Variants in ZMPSTE24 observed in about 807,000 individuals in gnomAD.
The protein encoded by ZMPSTE24 is zinc metallopeptidase STE24.
A neutral mutation model predicts 56.7 loss-of-function variants in ZMPSTE24; 48 were observed. The observed-to-expected ratio is 0.85, with a 90% CI of 0.67 to 1.08. ZMPSTE24 has a LOEUF of 1.08. Among genes scored for constraint, ZMPSTE24 ranks in the 50% least tolerant of loss-of-function variants. The pLI, the probability that ZMPSTE24 is intolerant of heterozygous loss-of-function variation, is 0.00. For synonymous variants in ZMPSTE24, 172 were observed against 195.2 expected, an observed-to-expected ratio of 0.88 and a Z score of 0.99; for missense variants, 503 against 548.7, an observed-to-expected ratio of 0.92 and a Z score of 0.83.
chr1:40,280,727 A>G (rs1454008547), intron 6 of ZMPSTE24, among the ~76,000 whole-genome samples: 1 of 152,226 alleles, frequency 6.6e-6, no homozygotes, highest in African/African-American at 2.4e-5. Flanking sequence ...CACCCAGTTG[A>G]ATTTGCTTTT....
chr1:40,266,394 T>G (rs1005529301), intron 2 of ZMPSTE24, among the ~76,000 whole-genome samples: 1 of 152,230 alleles, frequency 6.6e-6, no homozygotes, highest in Non-Finnish European at 1.5e-5. Flanking sequence ...GTATGTGTTT[T>G]GGGCGGTAGA....
At chr1:40,261,278 C>T (rs969974133) in intron 2 of ZMPSTE24, among the ~76,000 whole-genome samples, 1 of 152,030 alleles carries the variant, frequency 6.6e-6, no homozygotes, top group Non-Finnish European at 1.5e-5. Flanking sequence ...CCCTGCCTGA[C>T]GAATGTGGAT....
rs61779110 is a variant in ZMPSTE24, at chr1:40,289,662, T to G, written c.1060-1192T>G. 3.7e-3 allele frequency among the ~76,000 whole-genome samples: 557 copies of G among 152,318 alleles called. 12 individuals are homozygous for G. The highest frequency in any genetic ancestry group is 0.032 in the East Asian group (164 of 5,182). The stretch of plus-strand genomic sequence containing the variant: ...AATAAGGTACATGTGGCCTCCAAGA[T>G]CCTAATTTGCACAGAAAAAGAATGT... On this transcript the variant is annotated intron_variant, in intron 8 of 9. Transcript: ENST00000372759.
At chr1:40,264,422 G>A (rs993371062) in intron 2 of ZMPSTE24, among the ~76,000 whole-genome samples, 7 of 152,162 alleles carry the variant, frequency 4.6e-5, no homozygotes, top group Non-Finnish European at 8.8e-5. Flanking sequence ...GTGAGATAGC[G>A]TAAATGAAGC....
intron 4 of ZMPSTE24, 48 bp downstream of exon 4, chr1:40,268,583 G>C (rs369701282): frequency 2.1e-5 from 26 of 1,266,130 alleles, no homozygotes; most frequent in Admixed American, 3.5e-5. Flanking sequence ...AAAAACTTCT[G>C]TGCTTTTGTC....
chr1:40,276,477 A>G (rs1643672541), intron 6 of ZMPSTE24, among the ~76,000 whole-genome samples: 1 of 152,234 alleles, frequency 6.6e-6, no homozygotes. Context: ...TTAAGGAGAA[A>G]GTGGTCAACT....
intron 9 of ZMPSTE24, among the ~76,000 whole-genome samples, chr1:40,291,512 AG>A (rs1440742298): frequency 6.6e-6 from 1 of 152,228 alleles, no homozygotes; most frequent in Non-Finnish European, 1.5e-5. Flanking sequence ...TTAGCTCATT[AG>A]GGGTATTCCG....
rs1249117504 is a variant in ZMPSTE24, at chr1:40,280,543, GC to G, written c.770-796del. Among the ~76,000 whole-genome samples the G allele has an allele frequency of 2.0e-5, 3 of 151,966 alleles. No homozygotes were observed. The East Asian group carries it at 5.8e-4, about 29-fold the overall frequency. On this transcript the variant is annotated intron_variant, in intron 6 of 9. Transcript: ENST00000372759. The stretch of plus-strand genomic sequence containing the variant: ...GGGTTCAAGCAGTTCTCATGCCTCA[GC>G]CCCACGTGTAGCTGGGATGACAGGT...
rs970758234 is a variant in ZMPSTE24 at position 40,293,466 on chromosome 1, C to T, written c.*797C>T. The T allele has an allele frequency of 6.6e-6, 1 of 152,132 alleles. No homozygotes were observed. The highest frequency in any genetic ancestry group is 1.5e-5 in the Non-Finnish European group (1 of 68,034). The allele number at this position is 152,132 out of a possible 1,614,324, so 9.4% of individuals were successfully genotyped here. ...TCATGCAGTAAATAATACATCCTTTCACTCAGCAGAGATGGCCATATTAAA... is the reference window on the plus strand; with the variant it reads ...TCATGCAGTAAATAATACATCCTTTTACTCAGCAGAGATGGCCATATTAAA... On this transcript the variant is annotated 3_prime_UTR_variant, in exon 10 of 10. Coordinates refer to ENST00000372759, the MANE Select transcript of ZMPSTE24 (RefSeq NM_005857.5).
intron 6 of ZMPSTE24, among the ~76,000 whole-genome samples, chr1:40,272,955 CTACTAT>C (rs1191160383): frequency 6.6e-6 from 1 of 152,172 alleles, no homozygotes; most frequent in African/African-American, 2.4e-5. Flanking sequence ...CTATTCAGTG[CTACTAT>C]TATAGCGCAA....
chr1:40,263,230 T>A (rs1643516099), intron 2 of ZMPSTE24, among the ~76,000 whole-genome samples: 2 of 152,226 alleles, frequency 1.3e-5, no homozygotes, highest in South Asian at 2.1e-4. Flanking sequence ...TAATGTACTG[T>A]GGCTCAAACT....
chr1:40,263,281 T>A (rs1309126319), intron 2 of ZMPSTE24, among the ~76,000 whole-genome samples: 6 of 152,228 alleles, frequency 3.9e-5, no homozygotes, highest in African/African-American at 1.4e-4. Flanking sequence ...ACAGTAATAG[T>A]TAATAGTCGT....
Position 40,270,012 on chromosome 1 carries a change from T to C in ZMPSTE24, c.512T>C (p.Phe171Ser). Reference protein sequence around the residue: ...GFFMKDAIKKFVVTQCILLPV... With the variant: ...GFFMKDAIKKSVVTQCILLPV... The stretch of plus-strand genomic sequence containing the variant: ...TTCATGAAAGATGCAATCAAGAAAT[T>C]TGTTGTGACTCAGTGTATTTTGTTG... Residue 171 changes from phenylalanine (F) to serine (S), a missense_variant, in exon 5 of 10, where the codon TTT becomes TCT. Phe to Ser is a radical substitution (Grantham distance 155). Transcript: ENST00000372759. The C allele has an allele frequency of 6.2e-7, 1 of 1,613,828 alleles. No individual in the cohort carries two copies. Among genetic ancestry groups the C allele is most frequent in the South Asian group, 1.1e-5 (1 of 90,912 alleles).
chr1:40,281,733 T>C (rs1421361922), intron 7 of ZMPSTE24, among the ~76,000 whole-genome samples: 1 of 152,134 alleles, frequency 6.6e-6, no homozygotes, highest in African/African-American at 2.4e-5. Context: ...TTATAGAATG[T>C]GGATATTAAA....
At position 40,275,675 on chromosome 1, in the gene ZMPSTE24, C is replaced by A. The variant is rs549974697; in HGVS notation, c.769+3640C>A. Among the ~76,000 whole-genome samples, 4 of 145,862 alleles carry A rather than the reference C, an allele frequency of 2.7e-5. No homozygotes were observed. The South Asian group carries it at 8.8e-4, about 32-fold the overall frequency. On this transcript the variant is annotated intron_variant, in intron 6 of 9. Transcript: ENST00000372759. ...GCTGAGGCAGGAGGATCGCTTGAAT[C>A]TAGGAGGTAGAGGTTGCAGTGAGTC...
chr1:40,289,521 C>T (rs903767689), intron 8 of ZMPSTE24, among the ~76,000 whole-genome samples: 8 of 152,172 alleles, frequency 5.3e-5, no homozygotes, highest in Non-Finnish European at 8.8e-5. Context: ...GGATGAGTGT[C>T]GAAGCTGCTT....
chr1:40,292,366 C>G, intron 9 of ZMPSTE24, 79 bp from the exon 10 acceptor site: 1 of 1,407,972 alleles, frequency 7.1e-7, no homozygotes, highest in Non-Finnish European at 1.0e-6. Flanking sequence ...CCAAACTTCT[C>G]TACAGTCTCA....
In ZMPSTE24 at chr1:40,273,516, TAA is replaced by T. The variant is rs1205861105; in HGVS notation, c.769+1502_769+1503del. ...TGGGCAACAAGAGCCAAATTCTGTC[TAA>T]AAAAAAAAAAAAAAAAAAAATATAT... On this transcript the variant is annotated intron_variant, in intron 6 of 9. Transcript: ENST00000372759. Among the ~76,000 whole-genome samples the T allele has an allele frequency of 8.8e-3, 93 of 10,566 alleles. 1 individual carries two copies. The highest frequency in any genetic ancestry group is 0.031 in the East Asian group (10 of 326). The allele number at this position is 10,566 out of a possible 152,430, so 6.9% of individuals were successfully genotyped here.
chr1:40,282,326 C>G (rs750675003), intron 7 of ZMPSTE24, among the ~76,000 whole-genome samples: 1 of 152,120 alleles, frequency 6.6e-6, no homozygotes, highest in Non-Finnish European at 1.5e-5. Flanking sequence ...TTTAAAGTAT[C>G]AAGACTAAAT....
Sources: gnomAD v4.1 joint callset for allele counts (sites outside exome capture counted in the v4.1 genomes callset) on GRCh38, gnomAD v4.1.1 for gene constraint, MANE v1.5 for transcripts, NCBI Gene and HGNC (gene_info 2026-07-23, HGNC 2026-07-21) for gene names.